PAX2: variants seen among roughly 807,000 people sequenced by gnomAD.
PAX2 encodes paired box protein Pax-2.
In PAX2, 9 loss-of-function variants were observed where a neutral mutation model predicts 41.7. The observed-to-expected ratio is 0.22, with a 90% CI of 0.13 to 0.38. The LOEUF (loss-of-function observed/expected upper bound fraction) is 0.38. Ranked by LOEUF, PAX2 falls within the 10% of genes least tolerant of loss-of-function variation. The pLI, the probability that PAX2 is intolerant of heterozygous loss-of-function variation, is 1.00. For missense variants in PAX2, 418 were observed against 531.6 expected, an observed-to-expected ratio of 0.79 and a Z score of 2.10; for synonymous variants, 221 against 212.7, an observed-to-expected ratio of 1.04 and a Z score of -0.34.
intron 3 of PAX2, among the ~76,000 whole-genome samples, chr10:100,758,127 C>G (rs542899598): frequency 6.7e-6 from 1 of 150,096 alleles, no homozygotes; most frequent in East Asian, 1.9e-4. Context: ...GCAGGGGGAG[C>G]GAGTCAGGTG....
intron 3 of PAX2, among the ~76,000 whole-genome samples, chr10:100,760,451 A>G (rs1845797275): frequency 6.6e-6 from 1 of 152,190 alleles, no homozygotes. Flanking sequence ...GGGTCCCGAC[A>G]CATCTAGTCT....
At chr10:100,820,817 A>G (rs1172809894) in intron 7 of PAX2, among the ~76,000 whole-genome samples, 3 of 152,194 alleles carry the variant, frequency 2.0e-5, no homozygotes, top group African/African-American at 7.2e-5. Context: ...TCCATTTGTA[A>G]TTTCTGATGC....
intron 5 of PAX2, among the ~76,000 whole-genome samples, chr10:100,806,134 C>A (rs1847772440): frequency 6.6e-6 from 1 of 152,166 alleles, no homozygotes. Context: ...AGGGAGCTGG[C>A]TCCTGGGAGC....
chr10:100,741,494 A>AG (rs1433757691), upstream of PAX2, among the ~76,000 whole-genome samples: 4 of 96,786 alleles, frequency 4.1e-5, no homozygotes, highest in Non-Finnish European at 8.5e-5. Flanking sequence ...GGGGAGGAGG[A>AG]GGGGGAAAGG....
chr10:100,772,852 A>T (rs1846262100), intron 3 of PAX2, among the ~76,000 whole-genome samples: 1 of 152,212 alleles, frequency 6.6e-6, no homozygotes, highest in South Asian at 2.1e-4. Flanking sequence ...TTGGGAAGGA[A>T]GTCTGTTCTA....
chr10:100,764,297 C>T (rs145405152), intron 3 of PAX2, among the ~76,000 whole-genome samples: 1,578 of 152,152 alleles, frequency 0.01, 24 homozygotes, highest in African/African-American at 0.036. Flanking sequence ...GCGCCCGCCA[C>T]CACGCCTGGC....
chr10:100,760,359 A>G (rs1845792352), intron 3 of PAX2, among the ~76,000 whole-genome samples: 1 of 152,146 alleles, frequency 6.6e-6, no homozygotes, highest in Non-Finnish European at 1.5e-5. Flanking sequence ...ATGTTAGTTA[A>G]TGTTCCCTGG....
intron 7 of PAX2, among the ~76,000 whole-genome samples, chr10:100,816,008 T>A (rs1207287757): frequency 1.3e-5 from 2 of 152,194 alleles, no homozygotes; most frequent in Non-Finnish European, 2.9e-5. Context: ...GAGCTCAAAT[T>A]TGGCCCTTAA....
intron 3 of PAX2, among the ~76,000 whole-genome samples, chr10:100,773,906 C>T (rs1388275371): frequency 6.6e-6 from 1 of 152,196 alleles, no homozygotes; most frequent in Non-Finnish European, 1.5e-5. Flanking sequence ...CCTGAGCCTG[C>T]ACCCCAGCCT....
chr10:100,750,044 G>A lies in PAX2; in HGVS notation c.212+130G>A. On this transcript the variant is annotated intron_variant, in intron 2 of 9. Transcript: ENST00000355243. The surrounding 1 kb of genome is among the most constrained non-coding windows in gnomAD (Gnocchi z 4.1). ...AGAGGGAGATCCCCAAAGGGGTCTG[G>A]AGAGGTGCTCCTTTTGGAGAGAGTG... The A allele has an allele frequency of 3.8e-6, 4 of 1,064,384 alleles. No individual in the cohort carries two copies. The highest frequency in any genetic ancestry group is 5.4e-6 in the Non-Finnish European group (4 of 736,536). The allele number at this position is 1,064,384 out of a possible 1,614,324, so 65.9% of individuals were successfully genotyped here.
At chr10:100,825,664 G>A (rs1231625789) in intron 8 of PAX2, among the ~76,000 whole-genome samples, 2 of 152,192 alleles carry the variant, frequency 1.3e-5, no homozygotes, top group Non-Finnish European at 2.9e-5. Flanking sequence ...ATTGGTATGG[G>A]GAATGGGGAG....
In PAX2 at chr10:100,828,299, G is replaced by A. The variant is rs1419134465; in HGVS notation, c.*680G>A. 3 of 232,498 alleles carry A rather than the reference G, an allele frequency of 1.3e-5. No individual in the cohort carries two copies. The highest frequency in any genetic ancestry group is 1.7e-5 in the Non-Finnish European group (2 of 117,796). The allele number at this position is 232,498 out of a possible 1,614,324, so 14.4% of individuals were successfully genotyped here. A position where few individuals can be genotyped will look rare whatever the true frequency, so the allele number is the denominator to read the frequency against. ...GGGGGCGTCAGGTCTTTCCAAGGTTGGGACCCAAGGATCGGGGGGCCCAGC... is the reference window on the plus strand; with the variant it reads ...GGGGGCGTCAGGTCTTTCCAAGGTTAGGACCCAAGGATCGGGGGGCCCAGC... On this transcript the variant is annotated 3_prime_UTR_variant, in exon 10 of 10. Coordinates refer to ENST00000355243, the MANE Select transcript of PAX2 (RefSeq NM_000278.5). This position sits in a 1 kb window ranked among gnomAD's most constrained non-coding sequence, Gnocchi z 6.5.
intron 5 of PAX2, among the ~76,000 whole-genome samples, chr10:100,784,980 T>A (rs1213289241): frequency 6.6e-6 from 1 of 152,118 alleles, no homozygotes; most frequent in Non-Finnish European, 1.5e-5. Flanking sequence ...TCCAGATAGA[T>A]GAGGAAGTTA....
intron 5 of PAX2, among the ~76,000 whole-genome samples, chr10:100,804,740 C>A (rs964391945): frequency 6.6e-6 from 1 of 152,192 alleles, no homozygotes; most frequent in East Asian, 1.9e-4. Flanking sequence ...CGCGTAGACA[C>A]GCAATACTCA....
intron 5 of PAX2, among the ~76,000 whole-genome samples, chr10:100,796,040 C>T (rs1360426635): frequency 6.6e-6 from 1 of 152,184 alleles, no homozygotes; most frequent in Non-Finnish European, 1.5e-5. Flanking sequence ...CTGACAGGCT[C>T]ATGCCACCCT....
intron 7 of PAX2, among the ~76,000 whole-genome samples, chr10:100,819,272 T>TA (rs1256702373): frequency 1.4e-5 from 2 of 141,882 alleles, no homozygotes; most frequent in African/African-American, 5.3e-5. Flanking sequence ...GGGGGGAGTT[T>TA]AAAAACATAT....
chr10:100,739,436 G>A (rs1452201429), intron 1 of PAX2, among the ~76,000 whole-genome samples: 2 of 152,354 alleles, frequency 1.3e-5, no homozygotes, highest in African/African-American at 4.8e-5. Context: ...GAGGAGGAAG[G>A]AAAGGCGGGC....
At position 100,829,691 on chromosome 10, in the gene PAX2, C is replaced by T. The variant is rs547016481; in HGVS notation, c.*2072C>T. The T allele has an allele frequency of 2.0e-4, 40 of 203,228 alleles. No homozygotes were observed. Among genetic ancestry groups the T allele is most frequent in the African/African-American group, 8.3e-4 (36 of 43,634 alleles). The allele number at this position is 203,228 out of a possible 1,614,324, so 12.6% of individuals were successfully genotyped here. On this transcript the variant is annotated 3_prime_UTR_variant, in exon 10 of 10. Coordinates refer to ENST00000355243, the MANE Select transcript of PAX2 (RefSeq NM_000278.5). Reference sequence around the variant, plus strand: ...GAATCGTTTAAGGGAACCCGGCGCCCAGCCAGGCTCCAGTGGCCCGAACGG... The same window carrying T: ...GAATCGTTTAAGGGAACCCGGCGCCTAGCCAGGCTCCAGTGGCCCGAACGG...
In PAX2 at chr10:100,748,217, G is replaced by T; in HGVS notation, c.44-1529G>T. The T allele has an allele frequency of 1.0e-6, 1 of 985,224 alleles. No homozygotes were observed. The allele number at this position is 985,224 out of a possible 1,614,324, so 61.0% of individuals were successfully genotyped here. On this transcript the variant is annotated intron_variant, in intron 1 of 9. Coordinates refer to ENST00000355243, the MANE Select transcript of PAX2 (RefSeq NM_000278.5). The surrounding 1 kb of genome is among the most constrained non-coding windows in gnomAD (Gnocchi z 5.0). ...ATTATTCATCTTTAATCTGCCCGCA[G>T]CTGCCGCCTTTTCATACCGGTAACG...
Sources: gnomAD v4.1 joint callset for allele counts (sites outside exome capture counted in the v4.1 genomes callset) on GRCh38, gnomAD v4.1.1 for gene constraint, Gnocchi (gnomAD v3.1) non-coding constraint, MANE v1.5 for transcripts, NCBI Gene and HGNC (gene_info 2026-07-23, HGNC 2026-07-21) for gene names.